KANK4: variants seen among roughly 807,000 people sequenced by gnomAD.
The protein encoded by KANK4 is KN motif and ankyrin repeat domains 4, also known as KN motif and ankyrin repeat domain-containing protein 4.
A neutral mutation model predicts 80.8 loss-of-function variants in KANK4; 50 were observed. That is an observed-to-expected ratio of 0.62 (90% CI 0.49 to 0.78). KANK4 has a LOEUF of 0.78. KANK4 is among the 30% of genes least tolerant of loss of function. The pLI is 0.00. For missense variants in KANK4, 1,196 were observed against 1,240.1 expected, an observed-to-expected ratio of 0.96 and a Z score of 0.53; for synonymous variants, 465 against 506.9, an observed-to-expected ratio of 0.92 and a Z score of 1.11.
chr1:62,276,803 GTTAA>G (rs1672326178), intron 2 of KANK4, among the ~76,000 whole-genome samples: 1 of 143,228 alleles, frequency 7.0e-6, no homozygotes, highest in African/African-American at 2.7e-5. Flanking sequence ...GTGAGGACTA[GTTAA>G]TTAATAATAA....
chr1:62,294,320 A>G (rs1466628242), intron 1 of KANK4, among the ~76,000 whole-genome samples: 1 of 152,160 alleles, frequency 6.6e-6, no homozygotes, highest in Non-Finnish European at 1.5e-5. Context: ...ATTCAGCTCC[A>G]CTTCCTCCCT....
At chr1:62,297,087 C>T (rs1644372533) in intron 1 of KANK4, among the ~76,000 whole-genome samples, 1 of 151,756 alleles carries the variant, frequency 6.6e-6, no homozygotes. Context: ...TGTGGTGATG[C>T]GCACCGATAG....
At chr1:62,294,560 G>C (rs1644344982) in intron 1 of KANK4, among the ~76,000 whole-genome samples, 1 of 152,218 alleles carries the variant, frequency 6.6e-6, no homozygotes. Flanking sequence ...TTGGGAGGAA[G>C]GTTTTTGTTG....
chr1:62,254,052 G>T (rs1040862440), intron 7 of KANK4, among the ~76,000 whole-genome samples: 1 of 152,122 alleles, frequency 6.6e-6, no homozygotes, highest in Non-Finnish European at 1.5e-5. Context: ...GTGTTTGTAG[G>T]TCCTTTCCAA....
intron 1 of KANK4, among the ~76,000 whole-genome samples, chr1:62,295,334 G>C (rs1317281307): frequency 6.6e-6 from 1 of 152,172 alleles, no homozygotes; most frequent in Non-Finnish European, 1.5e-5. Flanking sequence ...AGTAGAGACA[G>C]GGTTTCGCCA....
At chr1:62,284,823 C>T (rs1672527402) in intron 1 of KANK4, among the ~76,000 whole-genome samples, 1 of 152,190 alleles carries the variant, frequency 6.6e-6, no homozygotes, top group Non-Finnish European at 1.5e-5. Flanking sequence ...TAGCTCTTCT[C>T]CCCTACTAAT....
At position 62,252,056 on chromosome 1, in the gene KANK4, T is replaced by A. The variant is rs374207378; in HGVS notation, c.2682+1011A>T. Among the ~76,000 whole-genome samples the A allele has an allele frequency of 2.6e-5, 4 of 151,398 alleles. No homozygotes were observed. In the East Asian group the frequency reaches 5.8e-4, roughly 22 times the overall value. On this transcript the variant is annotated intron_variant, in intron 8 of 9. Transcript: ENST00000371153. Reference sequence around the variant, plus strand: ...TCAGTTTAAAAAGTTATCAGAGGTGTCTAGAGTAACAAATGGGCTACTTTG... The same window carrying A: ...TCAGTTTAAAAAGTTATCAGAGGTGACTAGAGTAACAAATGGGCTACTTTG...
intron 1 of KANK4, among the ~76,000 whole-genome samples, chr1:62,304,955 G>C (rs1280936382): frequency 6.6e-6 from 1 of 152,058 alleles, no homozygotes; most frequent in African/African-American, 2.4e-5. Flanking sequence ...TGAGATAATG[G>C]GAGTACAAGT....
intron 6 of KANK4, among the ~76,000 whole-genome samples, chr1:62,264,355 TG>T (rs1671967838): frequency 6.6e-6 from 1 of 152,108 alleles, no homozygotes; most frequent in Admixed American, 6.6e-5. Context: ...AGGTGGAGGT[TG>T]TGTGTGAGTG....
intron 6 of KANK4, among the ~76,000 whole-genome samples, chr1:62,264,862 C>A (rs763768981): frequency 6.6e-6 from 1 of 152,294 alleles, no homozygotes; most frequent in South Asian, 2.1e-4. Context: ...GACAGAGTCT[C>A]GCTCTGTGGC....
chr1:62,247,061 AT>A (rs59753503), intron 9 of KANK4, among the ~76,000 whole-genome samples: 35,537 of 147,812 alleles, frequency 0.24, 4,990 homozygotes, highest in Non-Finnish European at 0.31. Context: ...GCACCAGGCT[AT>A]TTTTTTTTTT....
intron 8 of KANK4, among the ~76,000 whole-genome samples, chr1:62,248,903 C>T (rs9662717): frequency 0.73 from 107,275 of 147,078 alleles, 39,388 homozygotes; most frequent in East Asian, 0.84. Flanking sequence ...TGGCTCACGC[C>T]TGTAATCCCT....
chr1:62,303,955 C>T (rs1644431835), intron 1 of KANK4, among the ~76,000 whole-genome samples: 2 of 151,892 alleles, frequency 1.3e-5, no homozygotes, highest in African/African-American at 2.4e-5. Flanking sequence ...CTCACTGGAA[C>T]TTCCGTCTCC....
intron 1 of KANK4, among the ~76,000 whole-genome samples, chr1:62,300,970 A>T (rs544469177): frequency 6.6e-6 from 1 of 152,166 alleles, no homozygotes; most frequent in Admixed American, 6.5e-5. Flanking sequence ...CTGAACCATT[A>T]CAAATGTATA....
rs1235509778 is a variant in KANK4 at position 62,274,433 on chromosome 1, A to G, written c.671T>C (p.Ile224Thr). Residue 224 changes from isoleucine (I) to threonine (T), a missense_variant, in exon 3 of 10, where the codon ATT becomes ACT. Physicochemically the swap from Ile to Thr is moderately conservative, Grantham distance 89. Around this residue, in one of 3 missense-constraint regions of KANK4, gnomAD observed 1,154 missense variants for 1,179.6 expected, o/e 0.98. Transcript: ENST00000371153. ...AGCTCCCTCCTGGACCAGCTCTGGA[A>G]TCCGAGTTGATGCTCGTGGGCTGGA... ...HSSSPRASTRIPELVQEGAEP... is the reference protein window; with the variant it reads ...HSSSPRASTRTPELVQEGAEP... 1.2e-6 allele frequency: 2 copies of G among 1,614,210 alleles called. No homozygotes were observed. Among genetic ancestry groups the G allele is most frequent in the African/African-American group, 1.3e-5 (1 of 75,066 alleles).
rs115761547 is a variant in KANK4 at position 62,287,850 on chromosome 1, A to G, written c.-70-6216T>C. On this transcript the variant is annotated intron_variant, in intron 1 of 9. Transcript: ENST00000371153. ...CCAACATCACTTTTCTCAACTGGTA[A>G]AAGTATTTTTCCAGTTAGCTGAGTA... Among the ~76,000 whole-genome samples the G allele has an allele frequency of 5.7e-3, 865 of 152,282 alleles. 5 individuals are homozygous for G. Among genetic ancestry groups the G allele is most frequent in the African/African-American group, 0.019 (806 of 41,538 alleles).
At chr1:62,244,483 C>T (rs1281603891) in intron 9 of KANK4, among the ~76,000 whole-genome samples, 3 of 152,062 alleles carry the variant, frequency 2.0e-5, no homozygotes, top group Non-Finnish European at 4.4e-5. Flanking sequence ...ATCATGGGGG[C>T]AGGTCTTTCC....
chr1:62,247,723 A>T, intron 8 of KANK4, 51 bp from the exon 9 acceptor site: 7 of 1,509,424 alleles, frequency 4.6e-6, no homozygotes, highest in Non-Finnish European at 5.5e-6. Context: ...GTGGGGAAGG[A>T]CCCCCTCTCC....
rs1366488664 is a variant in KANK4, at chr1:62,273,277, C to A, written c.1827G>T (p.Leu609=). 5 of 1,571,070 alleles carry A rather than the reference C, an allele frequency of 3.2e-6. No homozygotes were observed. Among genetic ancestry groups the A allele is most frequent in the Non-Finnish European group, 3.5e-6 (4 of 1,156,500 alleles). The change falls in exon 3 of 10, where the codon CTG becomes CTT. Residue 609 remains leucine, a synonymous_variant. Coordinates refer to ENST00000371153, the MANE Select transcript of KANK4 (RefSeq NM_181712.5). ...IQSQLLSSLN[L]LLSAYSAQAH... is the part of the protein sequence containing the mutation. ...CCTGGGCCGAGTAGGCCGACAGCAG[C>A]AGGTTGAGGGAGCTCAGCAGCTGGC...
Sources: gnomAD v4.1 joint callset for allele counts (sites outside exome capture counted in the v4.1 genomes callset) on GRCh38, gnomAD v4.1.1 for gene constraint, gnomAD v4.1.1 regional missense constraint, MANE v1.5 for transcripts, NCBI Gene and HGNC (gene_info 2026-07-23, HGNC 2026-07-21) for gene names.